Variants in NRXN3 observed in about 807,000 individuals in gnomAD.
NRXN3 encodes the protein neurexin III.
NRXN3 carries 32 observed loss-of-function variants against 137.6 expected under a neutral mutation model. The ratio of observed to expected loss-of-function variants is 0.23; its 90% CI spans 0.18 to 0.31. The LOEUF is 0.31. Among genes scored for constraint, NRXN3 ranks in the 10% least tolerant of loss-of-function variants. The probability of loss-of-function intolerance (pLI) is 1.00; values close to 1 mark genes in which losing one functional copy is unlikely to be tolerated. For missense variants in NRXN3, 1,574 were observed against 2,062.5 expected, an observed-to-expected ratio of 0.76 and a Z score of 4.59; for synonymous variants, 798 against 784.5, an observed-to-expected ratio of 1.02 and a Z score of -0.29.
intron 4 of NRXN3, among the ~76,000 whole-genome samples, chr14:78,513,501 G>A (rs769660559): frequency 1.3e-5 from 2 of 152,142 alleles, no homozygotes; most frequent in Non-Finnish European, 1.5e-5. Flanking sequence ...TATAGTTTTC[G>A]AAAGACTGTC....
At chr14:79,740,951 C>T (rs1335566421) in intron 19 of NRXN3, among the ~76,000 whole-genome samples, 2 of 151,290 alleles carry the variant, frequency 1.3e-5, no homozygotes, top group South Asian at 2.1e-4. Flanking sequence ...TATTAATGTA[C>T]ATCACATAAT....
intron 6 of NRXN3, among the ~76,000 whole-genome samples, chr14:78,675,448 G>T (rs1039374852): frequency 6.6e-6 from 1 of 152,138 alleles, no homozygotes; most frequent in Non-Finnish European, 1.5e-5. Context: ...GAGAGTAACT[G>T]GTCCAGTGCA....
intron 4 of NRXN3, among the ~76,000 whole-genome samples, chr14:78,419,961 G>GGACA (rs2093360500): frequency 2.0e-5 from 1 of 49,150 alleles, no homozygotes; most frequent in East Asian, 2.7e-4. Flanking sequence ...GCGCGCGCAC[G>GGACA]CACACACACA....
At chr14:78,312,765 C>T (rs1380619459) in intron 4 of NRXN3, among the ~76,000 whole-genome samples, 1 of 152,066 alleles carries the variant, frequency 6.6e-6, no homozygotes, top group Non-Finnish European at 1.5e-5. Context: ...TAAATTGTTG[C>T]AAAATTGCCT....
chr14:79,245,785 C>T (rs1320701509), intron 15 of NRXN3, among the ~76,000 whole-genome samples: 1 of 152,174 alleles, frequency 6.6e-6, no homozygotes, highest in Non-Finnish European at 1.5e-5. Flanking sequence ...TCCTCCTCTA[C>T]TAGTCTGCAA....
chr14:79,164,204 T>C (rs1485125929), intron 15 of NRXN3, among the ~76,000 whole-genome samples: 1 of 152,016 alleles, frequency 6.6e-6, no homozygotes, highest in Admixed American at 6.6e-5. Flanking sequence ...TTATGTCTAC[T>C]CTAACTATAT....
At chr14:78,328,158 C>T (rs1457290818) in intron 4 of NRXN3, among the ~76,000 whole-genome samples, 1 of 152,140 alleles carries the variant, frequency 6.6e-6, no homozygotes, top group Non-Finnish European at 1.5e-5. Context: ...ACTCATCTTG[C>T]TCTAAATCAT....
At chr14:78,759,117 A>G (rs925983844) in intron 8 of NRXN3, among the ~76,000 whole-genome samples, 4 of 152,244 alleles carry the variant, frequency 2.6e-5, no homozygotes, top group Non-Finnish European at 5.9e-5. Context: ...CCTCCGGACC[A>G]GATGTTAGGC....
intron 15 of NRXN3, among the ~76,000 whole-genome samples, chr14:79,402,519 G>A (rs2095228863): frequency 6.6e-6 from 1 of 152,132 alleles, no homozygotes; most frequent in Non-Finnish European, 1.5e-5. Context: ...GTTTGAATTA[G>A]CATAAGTAAA....
intron 15 of NRXN3, among the ~76,000 whole-genome samples, chr14:79,263,710 AAATCTTT>A (rs2077993936): frequency 1.3e-5 from 2 of 152,224 alleles, no homozygotes; most frequent in African/African-American, 4.8e-5. Flanking sequence ...AAATATAAAG[AAATCTTT>A]GGACTTTTTT....
At chr14:79,519,848 T>A (rs2097045047) in intron 16 of NRXN3, among the ~76,000 whole-genome samples, 1 of 151,504 alleles carries the variant, frequency 6.6e-6, no homozygotes, top group South Asian at 2.1e-4. Flanking sequence ...TCATGTGGAT[T>A]CTTAAAAAGA....
At chr14:78,212,377 T>A (rs2062832487) in intron 1 of NRXN3, among the ~76,000 whole-genome samples, 3 of 152,218 alleles carry the variant, frequency 2.0e-5, no homozygotes, top group Admixed American at 1.3e-4. Context: ...TTAAATGAAA[T>A]TAATGGCTTG....
chr14:78,189,388 A>T (rs2153370389), intron 1 of NRXN3, among the ~76,000 whole-genome samples: 1 of 152,272 alleles, frequency 6.6e-6, no homozygotes, highest in Admixed American at 6.5e-5. Context: ...TTCCACTCTG[A>T]GTAAGCCCCA....
intron 19 of NRXN3, among the ~76,000 whole-genome samples, chr14:79,790,741 C>T (rs371398838): frequency 6.6e-6 from 1 of 151,578 alleles, no homozygotes; most frequent in Admixed American, 6.6e-5. Context: ...CTGCCTCAGC[C>T]ACCCGAGTAT....
chr14:79,646,117 T>C (rs1211672584), intron 16 of NRXN3, among the ~76,000 whole-genome samples: 1 of 135,978 alleles, frequency 7.4e-6, no homozygotes, highest in Non-Finnish European at 1.7e-5. Context: ...GACAGGCAAC[T>C]CTGCCTGAAC....
At chr14:79,673,603 T>A (rs1487763538) in intron 17 of NRXN3, among the ~76,000 whole-genome samples, 1 of 152,080 alleles carries the variant, frequency 6.6e-6, no homozygotes, top group Non-Finnish European at 1.5e-5. Flanking sequence ...TAGCTCTGAG[T>A]GGAGCCATTT....
At chr14:78,445,945 G>C (rs1350221138) in intron 4 of NRXN3, among the ~76,000 whole-genome samples, 1 of 152,130 alleles carries the variant, frequency 6.6e-6, no homozygotes, top group Non-Finnish European at 1.5e-5. Flanking sequence ...CTGCTTGTGG[G>C]AGAGTGGGGG....
chr14:79,432,406 C>T (rs530637359), intron 15 of NRXN3, among the ~76,000 whole-genome samples: 2 of 152,242 alleles, frequency 1.3e-5, no homozygotes, highest in South Asian at 4.2e-4. Context: ...TGCTGTTCTC[C>T]TACCTCTAAA....
intron 4 of NRXN3, among the ~76,000 whole-genome samples, chr14:78,385,333 A>ACG (rs1214349930): frequency 7.1e-6 from 1 of 141,240 alleles, no homozygotes; most frequent in African/African-American, 2.7e-5. Context: ...ACACACACAC[A>ACG]CGCATATAAA....
Sources: gnomAD v4.1 joint callset for allele counts (sites outside exome capture counted in the v4.1 genomes callset) on GRCh38, gnomAD v4.1.1 for gene constraint, MANE v1.5 for transcripts, NCBI Gene and HGNC (gene_info 2026-07-23, HGNC 2026-07-21) for gene names.